VWC2: variants seen among roughly 807,000 people sequenced by gnomAD.
The protein encoded by VWC2 is brorin.
In VWC2, 14 loss-of-function variants were observed where a neutral mutation model predicts 29.8. The observed-to-expected ratio is 0.47, with a 90% CI of 0.31 to 0.74. The LOEUF is 0.74. VWC2 is among the 30% of genes least tolerant of loss of function. The pLI is 0.05. For missense variants in VWC2, 457 were observed against 459.8 expected (o/e 0.99, Z 0.05); for synonymous variants, 213 against 199.0 (o/e 1.07, Z -0.59).
chr7:49,819,853 TG>T (rs912212102), intron 3 of VWC2, among the ~76,000 whole-genome samples: 18 of 152,250 alleles, frequency 1.2e-4, no homozygotes, highest in Non-Finnish European at 2.2e-4. Flanking sequence ...CTGTTCTCCC[TG>T]GTAGAGGGGG....
chr7:49,795,237 T>C (rs1249242666), intron 2 of VWC2, among the ~76,000 whole-genome samples: 1 of 152,248 alleles, frequency 6.6e-6, no homozygotes, highest in African/African-American at 2.4e-5. Flanking sequence ...CTTTCATATG[T>C]GAATTTGAAA....
chr7:49,908,234 T>C (rs1331396315), intron 3 of VWC2, among the ~76,000 whole-genome samples: 1 of 152,166 alleles, frequency 6.6e-6, no homozygotes, highest in Admixed American at 6.5e-5. Context: ...TGTGCCTGAA[T>C]TCCAAAAGGA....
intron 3 of VWC2, among the ~76,000 whole-genome samples, chr7:49,822,673 A>C (rs1294907336): frequency 6.6e-6 from 1 of 152,186 alleles, no homozygotes; most frequent in East Asian, 1.9e-4. Context: ...TCCTGGCTTC[A>C]AGTGATCTGC....
intron 3 of VWC2, among the ~76,000 whole-genome samples, chr7:49,895,328 C>G (rs1228717042): frequency 6.6e-6 from 1 of 152,228 alleles, no homozygotes; most frequent in African/African-American, 2.4e-5. Context: ...CCTCTTAATA[C>G]TATCACATTG....
intron 3 of VWC2, among the ~76,000 whole-genome samples, chr7:49,871,948 CA>C (rs1284045936): frequency 2.8e-4 from 32 of 115,674 alleles, no homozygotes; most frequent in Non-Finnish European, 4.4e-4. Context: ...CACACACACA[CA>C]CACACACACC....
chr7:49,904,796 C>T (rs868813420), intron 3 of VWC2, among the ~76,000 whole-genome samples: 3 of 144,744 alleles, frequency 2.1e-5, no homozygotes, highest in Non-Finnish European at 4.5e-5. Flanking sequence ...AGTGCAGTGG[C>T]GCGATCTCGG....
Position 49,776,059 on chromosome 7 carries a change from C to A in VWC2, c.624C>A (p.Cys208Ter). The change falls in exon 2 of 4, where the codon TGC becomes TGA. Residue 208 changes from cysteine (C) to a stop codon, truncating the protein, a stop_gained. Coordinates refer to ENST00000340652, the MANE Select transcript of VWC2 (RefSeq NM_198570.5). LOFTEE classifies it high-confidence loss of function. Reference protein sequence around the residue: ...RCIHVDTSQCCPQCKERKNYC... With the variant: ...RCIHVDTSQC ...TCCACGTCGACACGAGCCAGTGCTG[C>A]CCGCAGTGCAAGGAGAGGAAGAACT... 6.4e-7 allele frequency: 1 copy of A among 1,554,276 alleles called. No homozygotes were observed. The highest frequency in any genetic ancestry group is 1.9e-5 in the Admixed American group (1 of 53,280).
rs1793609269 is a variant in VWC2, at chr7:49,914,327, T to A, written c.*2142T>A. The A allele has an allele frequency of 6.6e-6, 1 of 152,216 alleles. No individual in the cohort carries two copies. The highest frequency in any genetic ancestry group is 2.1e-4 in the South Asian group (1 of 4,826). 9.4% of individuals were successfully genotyped at this position (152,216 alleles called of 1,614,324 possible). A position where few individuals can be genotyped will look rare whatever the true frequency, so the allele number is the denominator to read the frequency against. On this transcript the variant is annotated 3_prime_UTR_variant, in exon 4 of 4. Coordinates refer to ENST00000340652, the MANE Select transcript of VWC2 (RefSeq NM_198570.5). ...AATGGTGTTTTCAATGCTGTGAGAA[T>A]TTCAGAAAACCTAGTATTTTGTTGC...
chr7:49,788,556 AGAGTGTGT>A (rs374206560), intron 2 of VWC2, among the ~76,000 whole-genome samples: 3,714 of 146,808 alleles, frequency 0.025, 176 homozygotes, highest in African/African-American at 0.09. Context: ...TGTAAGTGTG[AGAGTGTGT>A]GAGTGTGGGC....
At chr7:49,907,325 A>C (rs1479543257) in intron 3 of VWC2, among the ~76,000 whole-genome samples, 1 of 152,228 alleles carries the variant, frequency 6.6e-6, no homozygotes, top group East Asian at 1.9e-4. Context: ...TCTATATGCC[A>C]GTGATAATAC....
intron 3 of VWC2, among the ~76,000 whole-genome samples, chr7:49,857,038 A>G (rs1287203087): frequency 7.2e-6 from 1 of 139,238 alleles, no homozygotes; most frequent in Non-Finnish European, 1.6e-5. Flanking sequence ...AAAAAAAAAA[A>G]AAAGACGTAA....
intron 3 of VWC2, among the ~76,000 whole-genome samples, chr7:49,862,669 T>C (rs1030701927): frequency 6.6e-6 from 1 of 152,026 alleles, no homozygotes; most frequent in African/African-American, 2.4e-5. Flanking sequence ...TTTTTCATTA[T>C]AATAGATCAT....
intron 3 of VWC2, among the ~76,000 whole-genome samples, chr7:49,846,180 C>A (rs536672395): frequency 1.3e-5 from 2 of 152,342 alleles, no homozygotes; most frequent in East Asian, 1.9e-4. Flanking sequence ...TATGAATCCA[C>A]CCCATTTCCA....
intron 3 of VWC2, among the ~76,000 whole-genome samples, chr7:49,823,423 A>G (rs780376567): frequency 1.3e-5 from 2 of 152,206 alleles, no homozygotes; most frequent in African/African-American, 2.4e-5. Context: ...AAGGCTTCAA[A>G]GTAGCTATTA....
At chr7:49,800,477 G>A (rs935360566) in intron 2 of VWC2, among the ~76,000 whole-genome samples, 3 of 152,094 alleles carry the variant, frequency 2.0e-5, no homozygotes, top group Non-Finnish European at 4.4e-5. Context: ...GTGCTGCTTC[G>A]TGAGGACAGA....
At chr7:49,874,929 T>C (rs570279889) in intron 3 of VWC2, among the ~76,000 whole-genome samples, 1 of 152,284 alleles carries the variant, frequency 6.6e-6, no homozygotes, top group African/African-American at 2.4e-5. Flanking sequence ...GGAATTGTAA[T>C]TACCCACATA....
intron 2 of VWC2, among the ~76,000 whole-genome samples, chr7:49,790,953 A>T (rs1050557040): frequency 1.3e-5 from 2 of 152,146 alleles, no homozygotes; most frequent in Non-Finnish European, 1.5e-5. Context: ...GCGCTCCAGG[A>T]TGCCTGTGGA....
intron 3 of VWC2, among the ~76,000 whole-genome samples, chr7:49,814,145 G>A (rs1789077298): frequency 6.6e-6 from 1 of 152,122 alleles, no homozygotes; most frequent in African/African-American, 2.4e-5. Flanking sequence ...TGATTCAGAT[G>A]ACATCCCATT....
chr7:49,810,561 G>A (rs1583643155), intron 3 of VWC2, among the ~76,000 whole-genome samples: 1 of 152,054 alleles, frequency 6.6e-6, no homozygotes, highest in African/African-American at 2.4e-5. Flanking sequence ...GAATGTAAAG[G>A]ATAGCCAAAA....
Sources: gnomAD v4.1 joint callset for allele counts (sites outside exome capture counted in the v4.1 genomes callset) on GRCh38, gnomAD v4.1.1 for gene constraint, MANE v1.5 for transcripts, NCBI Gene and HGNC (gene_info 2026-07-23, HGNC 2026-07-21) for gene names.